MAP2: variants seen among roughly 807,000 people sequenced by gnomAD.
MAP2 encodes microtubule associated protein 2.
In MAP2, 14 loss-of-function variants were observed where a neutral mutation model predicts 137.6. That is an observed-to-expected ratio of 0.10 (90% CI 0.07 to 0.16). The LOEUF (loss-of-function observed/expected upper bound fraction) is 0.16. MAP2 is among the 10% of genes least tolerant of loss of function. MAP2 has a pLI of 1.00. For missense variants in MAP2, 2,088 were observed against 2,191.5 expected, an observed-to-expected ratio of 0.95 and a Z score of 0.94; for synonymous variants, 786 against 782.3, an observed-to-expected ratio of 1.00 and a Z score of -0.08.
At chr2:209,465,449 AGAG>A (rs1181981124) in intron 1 of MAP2, among the ~76,000 whole-genome samples, 1 of 152,122 alleles carries the variant, frequency 6.6e-6, no homozygotes, top group Non-Finnish European at 1.5e-5. Flanking sequence ...TATCATTGTA[AGAG>A]GAGGACACAC....
chr2:209,527,487 C>T (rs764302251), intron 2 of MAP2, among the ~76,000 whole-genome samples: 2 of 152,138 alleles, frequency 1.3e-5, no homozygotes, highest in Admixed American at 6.6e-5. Flanking sequence ...CCCTCGCAGC[C>T]GTGTACTCCG....
At chr2:209,487,731 C>A (rs1025196254) in intron 1 of MAP2, among the ~76,000 whole-genome samples, 3 of 152,202 alleles carry the variant, frequency 2.0e-5, no homozygotes, top group Non-Finnish European at 4.4e-5. Flanking sequence ...ACTCAACTCT[C>A]TTACTTCATT....
chr2:209,708,198 A>G (rs1227985771), intron 12 of MAP2, among the ~76,000 whole-genome samples: 1 of 152,220 alleles, frequency 6.6e-6, no homozygotes, highest in African/African-American at 2.4e-5. Flanking sequence ...AACTTAGTCC[A>G]TAACAAACCA....
At chr2:209,500,694 TG>T (rs1410854324) in intron 1 of MAP2, among the ~76,000 whole-genome samples, 2 of 151,964 alleles carry the variant, frequency 1.3e-5, no homozygotes, top group Non-Finnish European at 2.9e-5. Context: ...TAAAGAACAT[TG>T]GATCCCTAAA....
In MAP2 at chr2:209,695,264, A is replaced by C. The variant is rs1419003734; in HGVS notation, c.3094A>C (p.Lys1032Gln). 8.7e-6 allele frequency: 14 copies of C among 1,613,698 alleles called. No individual in the cohort carries two copies. The highest frequency in any genetic ancestry group is 1.7e-5 in the Admixed American group (1 of 59,956). Residue 1032 changes from lysine (K) to glutamine (Q), a missense_variant, in exon 8 of 16, where the codon AAA becomes CAA. Lys to Gln is a moderately conservative substitution (Grantham distance 53). Coordinates refer to ENST00000682079, the MANE Select transcript of MAP2 (RefSeq NM_001375505.1). ...AGAGATAGCTGAGGTAGAACCATCC[A>C]AAAAGGTGGAACAAGGTCTGGATTT... ...VPEIAEVEPS[K>Q]KVEQGLDFAV... is the part of the protein sequence containing the mutation.
At position 209,459,142 on chromosome 2, in the gene MAP2, G is replaced by A. The variant is rs113613965; in HGVS notation, c.-222+34866G>A. Among the ~76,000 whole-genome samples the A allele has an allele frequency of 5.8e-3, 884 of 152,202 alleles. 6 individuals carry two copies. The highest frequency in any genetic ancestry group is 0.02 in the African/African-American group (834 of 41,512). On this transcript the variant is annotated intron_variant, in intron 1 of 15. Transcript: ENST00000682079. ...TATATAGTGTACTAATTAAGAGAAT[G>A]AGTTATGTAGTCCAACTGCTTGTGT...
intron 4 of MAP2, among the ~76,000 whole-genome samples, chr2:209,641,154 G>T (rs1035273076): frequency 6.6e-6 from 1 of 151,924 alleles, no homozygotes; most frequent in Non-Finnish European, 1.5e-5. Flanking sequence ...TTCACTCTGT[G>T]GTGGTGCAAA....
chr2:209,467,334 C>CT (rs1388324337), intron 1 of MAP2, among the ~76,000 whole-genome samples: 3 of 152,104 alleles, frequency 2.0e-5, no homozygotes, highest in African/African-American at 7.2e-5. Context: ...ATTCCATCTT[C>CT]TGTCCTATCA....
chr2:209,618,063 G>A (rs1372247959), intron 3 of MAP2, among the ~76,000 whole-genome samples: 1 of 152,036 alleles, frequency 6.6e-6, no homozygotes, highest in African/African-American at 2.4e-5. Context: ...TAGTTTACAT[G>A]AATATCAAAT....
At chr2:209,724,154 G>A (rs1327908917) in intron 13 of MAP2, among the ~76,000 whole-genome samples, 2 of 152,188 alleles carry the variant, frequency 1.3e-5, no homozygotes, top group Non-Finnish European at 2.9e-5. Context: ...ATTCATGAAA[G>A]TAAGGATATC....
Position 209,653,297 on chromosome 2 carries a change from C to G in MAP2, c.127C>G (p.Arg43Gly). Residue 43 changes from arginine (R) to glycine (G), a missense_variant, in exon 5 of 16, where the codon CGA (arginine) becomes GGA (glycine). This residue lies in a region of MAP2 where 859 missense variants were observed against 794.5 expected (regional missense o/e 1.08). Coordinates refer to ENST00000682079, the MANE Select transcript of MAP2 (RefSeq NM_001375505.1). ...DQGGAGEGLV[R>G]SANGFPYRED... ...AGGCGGAGCAGGGGAAGGACTTGTC[C>G]GAAGCGCCAATGGATTCCCATACAG... 2.5e-6 allele frequency: 4 copies of G among 1,614,076 alleles called. No homozygotes were observed. The highest frequency in any genetic ancestry group is 3.4e-6 in the Non-Finnish European group (4 of 1,179,992).
intron 13 of MAP2, among the ~76,000 whole-genome samples, chr2:209,720,767 C>T (rs1295958113): frequency 6.7e-6 from 1 of 150,108 alleles, no homozygotes; most frequent in African/African-American, 2.5e-5. Context: ...TTAGCTTTTT[C>T]GTTAAATAGT....
At chr2:209,633,693 A>G (rs1434421941) in intron 4 of MAP2, among the ~76,000 whole-genome samples, 1 of 152,158 alleles carries the variant, frequency 6.6e-6, no homozygotes, top group East Asian at 1.9e-4. Context: ...GTAGTCAGAA[A>G]GCAAGAAAAG....
intron 3 of MAP2, among the ~76,000 whole-genome samples, chr2:209,602,410 T>C (rs2083279816): frequency 6.6e-6 from 1 of 152,186 alleles, no homozygotes; most frequent in Non-Finnish European, 1.5e-5. Flanking sequence ...ATGAATTGCA[T>C]TTGATTTCAC....
At chr2:209,449,364 C>T (rs1292076354) in intron 1 of MAP2, among the ~76,000 whole-genome samples, 2 of 152,160 alleles carry the variant, frequency 1.3e-5, no homozygotes, top group Non-Finnish European at 1.5e-5. Flanking sequence ...TACAAAAATA[C>T]TTGAGAGGGA....
At chr2:209,729,035 TAGA>T (rs934817536) in intron 14 of MAP2, among the ~76,000 whole-genome samples, 3 of 152,214 alleles carry the variant, frequency 2.0e-5, no homozygotes, top group African/African-American at 7.2e-5. Flanking sequence ...TTGCCCAGTG[TAGA>T]AGAACTTTCC....
chr2:209,659,946 G>A lies in MAP2; in HGVS notation c.262+6514G>A, dbSNP rs1200585038. Among the ~76,000 whole-genome samples the A allele has an allele frequency of 3.2e-4, 48 of 152,072 alleles. 1 individual carries two copies. Among genetic ancestry groups the A allele is most frequent in the Admixed American group, 3.1e-3 (48 of 15,276 alleles). On this transcript the variant is annotated intron_variant, in intron 5 of 15. Transcript: ENST00000682079. ...CCAGCTACTTAGGAGGCTGAGGTAGGAGAATGGTGTGAACCCAGGAGGCGG... is the reference window on the plus strand; with the variant it reads ...CCAGCTACTTAGGAGGCTGAGGTAGAAGAATGGTGTGAACCCAGGAGGCGG...
intron 14 of MAP2, among the ~76,000 whole-genome samples, chr2:209,729,031 A>G (rs1387443457): frequency 1.3e-5 from 2 of 152,234 alleles, no homozygotes; most frequent in Non-Finnish European, 2.9e-5. Flanking sequence ...TAACTTGCCC[A>G]GTGTAGAAGA....
intron 7 of MAP2, among the ~76,000 whole-genome samples, chr2:209,687,810 C>T (rs1182728418): frequency 6.6e-6 from 1 of 152,148 alleles, no homozygotes; most frequent in Non-Finnish European, 1.5e-5. Flanking sequence ...TCCTAGCCCC[C>T]TCCATCTCAG....
Sources: gnomAD v4.1 joint callset for allele counts (sites outside exome capture counted in the v4.1 genomes callset) on GRCh38, gnomAD v4.1.1 for gene constraint, gnomAD v4.1.1 regional missense constraint, MANE v1.5 for transcripts, NCBI Gene and HGNC (gene_info 2026-07-23, HGNC 2026-07-21) for gene names.